ACADL: variants seen among roughly 807,000 people sequenced by gnomAD.
The protein encoded by ACADL is acyl-CoA dehydrogenase long chain.
Under a neutral mutation model 56.9 loss-of-function variants are expected in ACADL, and 60 were observed. That is an observed-to-expected ratio of 1.05 (90% CI 0.86 to 1.31). The LOEUF is 1.31. Among genes scored for constraint, ACADL ranks in the 50% most tolerant of loss-of-function variants. The pLI, the probability that ACADL is intolerant of heterozygous loss-of-function variation, is 0.00. For synonymous variants in ACADL, 158 were observed against 179.7 expected (o/e 0.88, Z 0.97); for missense variants, 484 against 525.5 (o/e 0.92, Z 0.77).
intron 4 of ACADL, among the ~76,000 whole-genome samples, chr2:210,211,008 A>T (rs1688970061): frequency 6.6e-6 from 1 of 152,192 alleles, no homozygotes; most frequent in Non-Finnish European, 1.5e-5. Flanking sequence ...AGTGTAGAAT[A>T]GATTATTTTT....
chr2:210,216,755 T>A, intron 3 of ACADL: 1 of 445,812 alleles, frequency 2.2e-6, no homozygotes, highest in South Asian at 2.2e-5. Context: ...TAAAATATTT[T>A]AAAATATGAA....
Position 210,203,358 on chromosome 2 carries a change from A to G in ACADL, c.957T>C (p.Ala319=), listed in dbSNP as rs1318255960. ...GTAGGTGAGCAACTGTTTTGCCAAA[A>G]GCTTTTCTTTGTTTAACATAGTTCC... ...ETRNYVKQRK[A]FGKTVAHLQT... is the part of the protein sequence containing the mutation. Residue 319 remains alanine, a synonymous_variant, in exon 8 of 11, where the codon GCT becomes GCC. Coordinates refer to ENST00000233710, the MANE Select transcript of ACADL (RefSeq NM_001608.4). The G allele has an allele frequency of 6.2e-7, 1 of 1,610,072 alleles. No individual in the cohort carries two copies. Among genetic ancestry groups the G allele is most frequent in the East Asian group, 2.2e-5 (1 of 44,804 alleles).
At position 210,205,774 on chromosome 2, in the gene ACADL, A is replaced by T. The variant is rs1464875295; in HGVS notation, c.626T>A (p.Leu209Ter). The change falls in exon 6 of 11, where the codon TTA becomes TAA. Residue 209 changes from leucine (L) to a stop codon, truncating the protein, a stop_gained. Coordinates refer to ENST00000233710, the MANE Select transcript of ACADL (RefSeq NM_001608.4). LOFTEE classifies it high-confidence loss of function. The part of the protein sequence containing the change: ...GSKVFISNGS[L>*]SDVVIVVAVT... ...CGCAACTACAATCACAACATCACTTAATGACCCATTACTGATGAACACCTG... is the reference window on the plus strand; with the variant it reads ...CGCAACTACAATCACAACATCACTTTATGACCCATTACTGATGAACACCTG... 6.2e-7 allele frequency: 1 copy of T among 1,613,258 alleles called. No individual in the cohort carries two copies. Among genetic ancestry groups the T allele is most frequent in the East Asian group, 2.2e-5 (1 of 44,870 alleles).
intron 1 of ACADL, among the ~76,000 whole-genome samples, chr2:210,221,968 G>A (rs960568376): frequency 6.6e-6 from 1 of 152,068 alleles, no homozygotes; most frequent in Non-Finnish European, 1.5e-5. Flanking sequence ...GACCTCAAGT[G>A]ATACACCCAT....
chr2:210,199,115 T>G (rs1688755074), intron 8 of ACADL, among the ~76,000 whole-genome samples: 1 of 152,164 alleles, frequency 6.6e-6, no homozygotes, highest in Non-Finnish European at 1.5e-5. Flanking sequence ...CTCTTCTATT[T>G]CAATTGAATA....
At chr2:210,199,668 T>C (rs1372106383) in intron 8 of ACADL, among the ~76,000 whole-genome samples, 1 of 152,126 alleles carries the variant, frequency 6.6e-6, no homozygotes, top group East Asian at 1.9e-4. Flanking sequence ...TCCAAAGGAA[T>C]GGAAACATGT....
In ACADL at chr2:210,219,616, G is replaced by A. The variant is rs552042357; in HGVS notation, c.233+1031C>T. 2.6e-5 allele frequency among the ~76,000 whole-genome samples: 4 copies of A among 152,198 alleles called. No individual in the cohort carries two copies. In the East Asian group the frequency reaches 7.7e-4, roughly 29 times the overall value. On this transcript the variant is annotated intron_variant, in intron 2 of 10. Coordinates refer to ENST00000233710, the MANE Select transcript of ACADL (RefSeq NM_001608.4). ...AGGTATTAGTAAAAACCTAATGGAA[G>A]TTACTTTTAATGCTATTTAAAAACC...
intron 5 of ACADL, among the ~76,000 whole-genome samples, chr2:210,206,151 A>C (rs1396348246): frequency 6.6e-6 from 1 of 152,096 alleles, no homozygotes; most frequent in East Asian, 1.9e-4. Flanking sequence ...AAGAAAAGAA[A>C]ATCTGGCCGG....
intron 1 of ACADL, among the ~76,000 whole-genome samples, chr2:210,222,547 A>C (rs913378467): frequency 6.6e-4 from 101 of 151,894 alleles, no homozygotes; most frequent in Non-Finnish European, 5.9e-5. Context: ...AAAGTGCTGC[A>C]GTCAGGGTAG....
At chr2:210,212,043 G>A (rs1688990835) in intron 4 of ACADL, among the ~76,000 whole-genome samples, 1 of 151,798 alleles carries the variant, frequency 6.6e-6, no homozygotes, top group African/African-American at 2.4e-5. Flanking sequence ...ATGTTGGCCA[G>A]GCTGGTCTTG....
Sources: allele counts gnomAD v4.1 joint callset (sites outside exome capture counted in the v4.1 genomes callset), GRCh38; gene constraint gnomAD v4.1.1; transcripts MANE v1.5; gene names NCBI Gene and HGNC (gene_info 2026-07-23, HGNC 2026-07-21).